The following BNC2 variants were observed in gnomAD, a reference collection of about 807,000 sequenced individuals.
BNC2 encodes zinc finger protein basonuclin-2.
In BNC2, 20 loss-of-function variants were observed where a neutral mutation model predicts 76.3. The ratio of observed to expected loss-of-function variants is 0.26; its 90% CI spans 0.18 to 0.38. The LOEUF (loss-of-function observed/expected upper bound fraction) is 0.38, where lower values mean the gene tolerates loss of function less well. Ranked by LOEUF, BNC2 falls within the 10% of genes least tolerant of loss-of-function variation. BNC2 has a pLI of 1.00. For missense variants in BNC2, 1,382 were observed against 1,399.8 expected, an observed-to-expected ratio of 0.99 and a Z score of 0.20; for synonymous variants, 582 against 514.8, an observed-to-expected ratio of 1.13 and a Z score of -1.77.
At chr9:16,453,594 C>T (rs1821386746) in intron 5 of BNC2, among the ~76,000 whole-genome samples, 2 of 152,150 alleles carry the variant, frequency 1.3e-5, no homozygotes, top group Non-Finnish European at 1.5e-5. Flanking sequence ...TGACGACATT[C>T]TGGTGTCAAG....
chr9:16,519,121 C>T (rs368169643), intron 5 of BNC2, among the ~76,000 whole-genome samples: 6 of 152,244 alleles, frequency 3.9e-5, no homozygotes, highest in African/African-American at 1.4e-4. Context: ...CTTTACTGGC[C>T]CTACCTTCTC....
chr9:16,851,959 T>G (rs1819137694), intron 1 of BNC2, among the ~76,000 whole-genome samples: 1 of 151,446 alleles, frequency 6.6e-6, no homozygotes, highest in Admixed American at 6.6e-5. Context: ...AACATATAGA[T>G]ATACACATTC....
At chr9:16,460,725 C>T (rs765497302) in intron 5 of BNC2, among the ~76,000 whole-genome samples, 16 of 152,046 alleles carry the variant, frequency 1.1e-4, no homozygotes, top group South Asian at 4.1e-4. Flanking sequence ...CTATGATCTG[C>T]GTTGACTACC....
At chr9:16,442,186 T>G (rs1821142509) in intron 5 of BNC2, among the ~76,000 whole-genome samples, 1 of 152,236 alleles carries the variant, frequency 6.6e-6, no homozygotes, top group African/African-American at 2.4e-5. Context: ...TTATCATAAG[T>G]GTTGATTTCC....
chr9:16,444,456 T>TG (rs201984084), intron 5 of BNC2, among the ~76,000 whole-genome samples: 2,067 of 152,164 alleles, frequency 0.014, 29 homozygotes, highest in South Asian at 0.028. Flanking sequence ...CACCTGCCGG[T>TG]GTGCTGACCT....
chr9:16,783,442 T>A (rs1826205196), intron 1 of BNC2, among the ~76,000 whole-genome samples: 1 of 152,244 alleles, frequency 6.6e-6, no homozygotes, highest in Non-Finnish European at 1.5e-5. Context: ...AGATAAATTA[T>A]GCAAATCACA....
chr9:16,546,996 CAT>C (rs1341753418), intron 5 of BNC2, among the ~76,000 whole-genome samples: 2 of 152,336 alleles, frequency 1.3e-5, no homozygotes, highest in South Asian at 2.1e-4. Context: ...GAATAAGAGA[CAT>C]GTGTTATCTT....
chr9:16,577,965 T>A (rs1462316852), intron 4 of BNC2, among the ~76,000 whole-genome samples: 1 of 152,172 alleles, frequency 6.6e-6, no homozygotes, highest in Non-Finnish European at 1.5e-5. Flanking sequence ...ATAAAATGTA[T>A]TTTTTATTCA....
chr9:16,591,448 T>C (rs893865220), intron 3 of BNC2, among the ~76,000 whole-genome samples: 1 of 152,180 alleles, frequency 6.6e-6, no homozygotes, highest in Non-Finnish European at 1.5e-5. Flanking sequence ...ACAAAAAAGC[T>C]TTATTAACAA....
intron 4 of BNC2, among the ~76,000 whole-genome samples, chr9:16,571,629 C>T (rs1819326013): frequency 6.6e-6 from 1 of 152,010 alleles, no homozygotes; most frequent in Non-Finnish European, 1.5e-5. Context: ...TTCTTTGAGG[C>T]AATTGCGCAC....
chr9:16,764,988 G>A (rs184454746), intron 1 of BNC2, among the ~76,000 whole-genome samples: 147 of 152,230 alleles, frequency 9.7e-4, no homozygotes, highest in African/African-American at 3.5e-3. Context: ...TACGAAACCC[G>A]CTGTGGCATA....
intron 5 of BNC2, among the ~76,000 whole-genome samples, chr9:16,500,536 C>G (rs1822496456): frequency 6.6e-6 from 1 of 152,054 alleles, no homozygotes; most frequent in South Asian, 2.1e-4. Flanking sequence ...ATATATAGCT[C>G]ATATATGACT....
At chr9:16,717,597 CT>C (rs1824028181) in intron 3 of BNC2, among the ~76,000 whole-genome samples, 1 of 152,160 alleles carries the variant, frequency 6.6e-6, no homozygotes, top group African/African-American at 2.4e-5. Context: ...TTCTGGAAGA[CT>C]CACAATTCAC....
intron 3 of BNC2, among the ~76,000 whole-genome samples, chr9:16,652,976 C>T (rs532806032): frequency 4.3e-4 from 66 of 152,070 alleles, no homozygotes; most frequent in Non-Finnish European, 7.5e-4. Flanking sequence ...TAATGGTTTA[C>T]GGGATCAAGT....
chr9:16,813,581 T>TA (rs1818111758), intron 1 of BNC2, among the ~76,000 whole-genome samples: 1 of 152,146 alleles, frequency 6.6e-6, no homozygotes, highest in African/African-American at 2.4e-5. Context: ...CCATTATTTT[T>TA]AGAGTCTTAA....
At position 16,450,459 on chromosome 9, in the gene BNC2, G is replaced by A. The variant is rs73645973; in HGVS notation, c.670-12935C>T. ...CATTTATTATCTTAAAACATTTTCA[G>A]ATGTAAAATATTCAAAATGCTTCCA... On this transcript the variant is annotated intron_variant, in intron 5 of 6. Coordinates refer to ENST00000380672, the MANE Select transcript of BNC2 (RefSeq NM_017637.6). Among the ~76,000 whole-genome samples, 1,382 of 152,324 alleles carry A rather than the reference G, an allele frequency of 9.1e-3. 11 individuals are homozygous for A. The highest frequency in any genetic ancestry group is 0.027 in the African/African-American group (1,133 of 41,570).
At chr9:16,681,618 G>A (rs1049268670) in intron 3 of BNC2, among the ~76,000 whole-genome samples, 14 of 151,990 alleles carry the variant, frequency 9.2e-5, no homozygotes, top group African/African-American at 3.1e-4. Flanking sequence ...ACTCTGCAAT[G>A]GTACAATGAC....
intron 6 of BNC2, among the ~76,000 whole-genome samples, chr9:16,432,908 G>C (rs1445108499): frequency 6.6e-6 from 1 of 152,216 alleles, no homozygotes; most frequent in Non-Finnish European, 1.5e-5. Flanking sequence ...AAAGTGAAGA[G>C]ACAGGAGAAG....
chr9:16,448,858 C>T lies in BNC2; in HGVS notation c.670-11334G>A, dbSNP rs16934681. Reference sequence around the variant, plus strand: ...ATGGATCTACTTTCCTTTGATTGCTCAGATTAAATGTGTTCCTATAAAAGG... The same window carrying T: ...ATGGATCTACTTTCCTTTGATTGCTTAGATTAAATGTGTTCCTATAAAAGG... On this transcript the variant is annotated intron_variant, in intron 5 of 6. Transcript: ENST00000380672. Among the ~76,000 whole-genome samples, 379 of 152,244 alleles carry T rather than the reference C, an allele frequency of 2.5e-3. 5 individuals carry two copies. Among genetic ancestry groups the T allele is most frequent in the African/African-American group, 8.4e-3 (351 of 41,542 alleles).
Sources: allele counts gnomAD v4.1 joint callset (sites outside exome capture counted in the v4.1 genomes callset), GRCh38; gene constraint gnomAD v4.1.1; transcripts MANE v1.5; gene names NCBI Gene and HGNC (gene_info 2026-07-23, HGNC 2026-07-21).